The following MAMDC2 variants were observed in gnomAD, a reference collection of about 807,000 sequenced individuals.
MAMDC2 encodes MAM domain-containing protein 2.
A neutral mutation model predicts 89.8 loss-of-function variants in MAMDC2; 57 were observed. The ratio of observed to expected loss-of-function variants is 0.63; its 90% confidence interval spans 0.51 to 0.79. The LOEUF (loss-of-function observed/expected upper bound fraction) is 0.79. MAMDC2 is among the 30% of genes least tolerant of loss of function. The pLI is 0.00. For synonymous variants in MAMDC2, 313 were observed against 293.4 expected, an observed-to-expected ratio of 1.07 and a Z score of -0.68; for missense variants, 800 against 820.6, an observed-to-expected ratio of 0.97 and a Z score of 0.31.
At chr9:70,150,090 A>AGTCAGATCAGTAGTCCTCG (rs2031537011) in intron 9 of MAMDC2, among the ~76,000 whole-genome samples, 2 of 152,020 alleles carry the variant, frequency 1.3e-5, no homozygotes, top group African/African-American at 4.8e-5. Flanking sequence ...AGTAGTCCTC[A>AGTCAGATCAGTAGTCCTCG]TGTGTACCCT....
At chr9:70,183,291 GTGCGATGTGT>G (rs1314775503) in intron 11 of MAMDC2, among the ~76,000 whole-genome samples, 1 of 152,162 alleles carries the variant, frequency 6.6e-6, no homozygotes, top group African/African-American at 2.4e-5. Flanking sequence ...TTTAGAATAA[GTGCGATGTGT>G]TGCTGAGAAG....
At chr9:70,058,708 C>T (rs955767066) in intron 2 of MAMDC2, among the ~76,000 whole-genome samples, 4 of 152,184 alleles carry the variant, frequency 2.6e-5, no homozygotes, top group Admixed American at 2.0e-4. Context: ...TTATTTTCTG[C>T]TGCACTTTGA....
intron 5 of MAMDC2, among the ~76,000 whole-genome samples, chr9:70,124,304 C>T (rs978670720): frequency 1.3e-5 from 2 of 152,346 alleles, no homozygotes; most frequent in East Asian, 3.9e-4. Context: ...ATTTACCACT[C>T]TCTATTTTCT....
chr9:70,099,995 A>AGAGAGAGAGAGG (rs1828130627), intron 2 of MAMDC2, among the ~76,000 whole-genome samples: 1 of 141,378 alleles, frequency 7.1e-6, no homozygotes, highest in Non-Finnish European at 1.5e-5. Context: ...AGAGAGAGAG[A>AGAGAGAGAGAGG]GAGAGAGAGA....
intron 7 of MAMDC2, among the ~76,000 whole-genome samples, chr9:70,134,546 G>A (rs777452574): frequency 7.9e-5 from 12 of 151,884 alleles, no homozygotes; most frequent in Non-Finnish European, 1.3e-4. Context: ...TCCTTTCTGG[G>A]CTTGGGTCCA....
intron 11 of MAMDC2, among the ~76,000 whole-genome samples, chr9:70,212,590 C>G (rs908437899): frequency 1.3e-5 from 2 of 152,138 alleles, no homozygotes; most frequent in Non-Finnish European, 2.9e-5. Flanking sequence ...TGAGGTGATG[C>G]CCCACCCTGC....
chr9:70,135,454 CCT>C (rs2030967741), intron 7 of MAMDC2, among the ~76,000 whole-genome samples: 1 of 151,756 alleles, frequency 6.6e-6, no homozygotes, highest in Non-Finnish European at 1.5e-5. Context: ...AGATTTAGCC[CCT>C]GAGTTATGCT....
chr9:70,100,015 A>C (rs895188746), intron 2 of MAMDC2, among the ~76,000 whole-genome samples: 1 of 132,466 alleles, frequency 7.5e-6, no homozygotes, highest in African/African-American at 3.1e-5. Context: ...AGAGAGAGAG[A>C]GAGAGAGAGC....
intron 12 of MAMDC2, among the ~76,000 whole-genome samples, chr9:70,219,025 T>C (rs1187665792): frequency 6.6e-6 from 1 of 152,156 alleles, no homozygotes; most frequent in African/African-American, 2.4e-5. Flanking sequence ...GTGAGCATGG[T>C]CCAGAGTAAG....
At chr9:70,160,956 C>T (rs1037849604) in intron 9 of MAMDC2, among the ~76,000 whole-genome samples, 1 of 151,864 alleles carries the variant, frequency 6.6e-6, no homozygotes, top group African/African-American at 2.4e-5. Flanking sequence ...TTTTAAGATA[C>T]CTAAAGCAAA....
intron 11 of MAMDC2, among the ~76,000 whole-genome samples, chr9:70,173,794 G>T (rs2118546986): frequency 6.6e-6 from 1 of 152,230 alleles, no homozygotes; most frequent in Middle Eastern, 3.4e-3. Flanking sequence ...GAGACACCAG[G>T]CCAGGTTATA....
intron 6 of MAMDC2, among the ~76,000 whole-genome samples, chr9:70,129,920 T>A (rs1277374487): frequency 1.3e-5 from 2 of 152,142 alleles, no homozygotes; most frequent in Non-Finnish European, 2.9e-5. Flanking sequence ...AAATCTGCCC[T>A]ATGCCTCTCT....
intron 9 of MAMDC2, among the ~76,000 whole-genome samples, chr9:70,162,870 G>A (rs2032022012): frequency 6.8e-6 from 1 of 146,486 alleles, no homozygotes; most frequent in African/African-American, 2.5e-5. Flanking sequence ...CTTGTAGGTG[G>A]GTTTCCACAC....
intron 11 of MAMDC2, among the ~76,000 whole-genome samples, chr9:70,215,264 T>TACTGATGG (rs2033422836): frequency 6.6e-6 from 1 of 151,520 alleles, no homozygotes; most frequent in Non-Finnish European, 1.5e-5. Flanking sequence ...ATGTCCAATG[T>TACTGATGG]TACAAAAATG....
intron 11 of MAMDC2, chr9:70,194,520 T>C (rs1194488787): frequency 1.3e-5 from 2 of 152,124 alleles, no homozygotes; most frequent in African/African-American, 4.8e-5. Context: ...AGCAAACTTG[T>C]TGGCACCTTG....
intron 9 of MAMDC2, among the ~76,000 whole-genome samples, chr9:70,164,995 C>T (rs2032122092): frequency 2.5e-5 from 1 of 39,320 alleles, no homozygotes; most frequent in African/African-American, 6.3e-5. Flanking sequence ...GGGTATGGTA[C>T]CCTCTTAGAT....
At chr9:70,047,406 T>C (rs1826779806) in intron 2 of MAMDC2, among the ~76,000 whole-genome samples, 1 of 151,614 alleles carries the variant, frequency 6.6e-6, no homozygotes, top group Non-Finnish European at 1.5e-5. Context: ...CTTGTGTCCG[T>C]GTGTTCTCAT....
intron 11 of MAMDC2, among the ~76,000 whole-genome samples, chr9:70,199,208 A>C (rs7862014): frequency 1.7e-3 from 14 of 8,168 alleles, no homozygotes; most frequent in East Asian, 9.8e-3. Context: ...CCCTCCCCCC[A>C]CCCCACCACA....
Position 70,043,879 on chromosome 9 carries a change from C to G in MAMDC2, c.-319C>G, listed in dbSNP as rs569126327. 2.2e-6 allele frequency: 1 copy of G among 452,174 alleles called. No homozygotes were observed. Among genetic ancestry groups the G allele is most frequent in the South Asian group, 3.2e-5 (1 of 31,246 alleles). 28.0% of individuals were successfully genotyped at this position (452,174 alleles called of 1,614,324 possible). A position where few individuals can be genotyped will look rare whatever the true frequency, so the allele number is the denominator to read the frequency against. On this transcript the variant is annotated 5_prime_UTR_variant, in exon 1 of 14. Coordinates refer to ENST00000377182, the MANE Select transcript of MAMDC2 (RefSeq NM_153267.5). ...TCCTCTCCCAGCCAGTCGTGGCTGG[C>G]CTTTCAAAGTGTGCAGTTGTCTCCT... is the stretch of plus-strand genomic sequence containing the variant.
Sources: allele counts gnomAD v4.1 joint callset (sites outside exome capture counted in the v4.1 genomes callset), GRCh38; gene constraint gnomAD v4.1.1; transcripts MANE v1.5; gene names NCBI Gene and HGNC (gene_info 2026-07-23, HGNC 2026-07-21).